The following CELF5 variants were observed in gnomAD, a reference collection of about 807,000 sequenced individuals.
CELF5 encodes CUG-BP and ETR-3 like factor 5.
A neutral mutation model predicts 54.9 loss-of-function variants in CELF5; 6 were observed. The ratio of observed to expected loss-of-function variants is 0.11; its 90% CI spans 0.06 to 0.22. The LOEUF is 0.22. CELF5 is among the 10% of genes least tolerant of loss of function. The probability of loss-of-function intolerance (pLI) is 1.00; values close to 1 mark genes in which losing one functional copy is unlikely to be tolerated. For synonymous variants in CELF5, 271 were observed against 290.9 expected (o/e 0.93, Z 0.70); for missense variants, 401 against 678.6 (o/e 0.59, Z 4.54).
rs2080151676 is a variant in CELF5 at position 3,281,460 on chromosome 19, G to A, written c.750+115G>A. The A allele has an allele frequency of 2.4e-6, 3 of 1,244,062 alleles. No homozygotes were observed. The highest frequency in any genetic ancestry group is 4.7e-5 in the East Asian group (2 of 42,368). 77.1% of individuals were successfully genotyped at this position (1,244,062 alleles called of 1,614,324 possible). On this transcript the variant is annotated intron_variant, in intron 6 of 12. Coordinates refer to ENST00000292672, the MANE Select transcript of CELF5 (RefSeq NM_021938.4). The surrounding 1 kb of genome is among the most constrained non-coding windows in gnomAD (Gnocchi z 6.5). ...CTCCCTGACTCAGGGTCCTCTCCTG[G>A]CGTGGCTGAACCCCAACTCCAAATT... is the stretch of plus-strand genomic sequence containing the variant.
intron 12 of CELF5, chr19:3,296,198 C>T (rs565048540): frequency 6.6e-6 from 1 of 151,226 alleles, no homozygotes; most frequent in East Asian, 1.9e-4. Context: ...GTGAGGGTGC[C>T]TCTGTACAGC....
At chr19:3,284,155 C>T (rs1339357457) in intron 8 of CELF5, among the ~76,000 whole-genome samples, 1 of 151,892 alleles carries the variant, frequency 6.6e-6, no homozygotes, top group Non-Finnish European at 1.5e-5. Flanking sequence ...GCTGATTTCA[C>T]GAGTTTTTGT....
intron 12 of CELF5, chr19:3,296,434 G>GAAAAAAAAAAAAAAATAAAAAAA (rs2080450653): frequency 1.8e-5 from 1 of 54,862 alleles, no homozygotes; most frequent in African/African-American, 7.1e-5. Flanking sequence ...AAACCACACA[G>GAAAAAAAAAAAAAAATAAAAAAA]AAAAAAAAAA....
Position 3,234,684 on chromosome 19 carries a change from CA to C in CELF5, c.259+9690del, listed in dbSNP as rs375479837. Among the ~76,000 whole-genome samples, 336 of 152,170 alleles carry C rather than the reference CA, an allele frequency of 2.2e-3. 1 individual carries two copies. The highest frequency in any genetic ancestry group is 6.7e-3 in the African/African-American group (279 of 41,530). ...GGATGAGGCCTGAAGGTACCTAGGA[CA>C]AAACCTGGGAATGCCCTTGACTTCC... is the stretch of plus-strand genomic sequence containing the variant. On this transcript the variant is annotated intron_variant, in intron 1 of 12. Transcript: ENST00000292672.
chr19:3,257,637 G>T (rs994316556), intron 2 of CELF5, among the ~76,000 whole-genome samples: 1 of 150,684 alleles, frequency 6.6e-6, no homozygotes. Context: ...CACCATGCCC[G>T]GCTAATTTTT....
At chr19:3,293,721 G>A in intron 12 of CELF5, 1 of 422,308 alleles carries the variant, frequency 2.4e-6, no homozygotes, top group Non-Finnish European at 4.3e-6. Flanking sequence ...GTGAGCCAGG[G>A]CCCAGTGAGG....
intron 12 of CELF5, chr19:3,296,104 G>C (rs933066469): frequency 1.3e-5 from 2 of 148,616 alleles, no homozygotes; most frequent in African/African-American, 5.0e-5. Flanking sequence ...AAGAAGAAAA[G>C]AGAAGAAAAA....
chr19:3,235,840 G>A (rs1210893457), intron 1 of CELF5, among the ~76,000 whole-genome samples: 1 of 148,860 alleles, frequency 6.7e-6, no homozygotes, highest in Non-Finnish European at 1.5e-5. Flanking sequence ...ATGGATGGAT[G>A]AATGAATGGA....
rs1466889906 is a variant in CELF5 at position 3,228,258 on chromosome 19, A to G, written c.259+3260A>G. ...GATGCAGGCCCACAGGAAGACCACA[A>G]GCCTGCTCCTGCCAGAACTCCGCAT... On this transcript the variant is annotated intron_variant, in intron 1 of 12. Coordinates refer to ENST00000292672, the MANE Select transcript of CELF5 (RefSeq NM_021938.4). This position sits in a 1 kb window ranked among gnomAD's most constrained non-coding sequence, Gnocchi z 6.0. Among the ~76,000 whole-genome samples the G allele has an allele frequency of 6.6e-6, 1 of 152,052 alleles. No individual in the cohort carries two copies. Among genetic ancestry groups the G allele is most frequent in the Non-Finnish European group, 1.5e-5 (1 of 67,978 alleles).
chr19:3,280,436 G>C (rs866999446), intron 5 of CELF5, among the ~76,000 whole-genome samples: 1 of 151,990 alleles, frequency 6.6e-6, no homozygotes, highest in Non-Finnish European at 1.5e-5. Flanking sequence ...TTAGCTGGGC[G>C]TGATGGCGGG....
chr19:3,227,297 G>T (rs1204358032), intron 1 of CELF5, among the ~76,000 whole-genome samples: 1 of 152,180 alleles, frequency 6.6e-6, no homozygotes, highest in East Asian at 1.9e-4. Flanking sequence ...CCCTCTCTGG[G>T]CCCTCTCTGG....
chr19:3,286,060 C>G (rs1461784130), intron 10 of CELF5, 35 bp downstream of exon 10: 1 of 1,503,912 alleles, frequency 6.6e-7, no homozygotes, highest in South Asian at 1.3e-5. Flanking sequence ...GGCGCCAGCC[C>G]CGCCCTCTGC....
rs374937058 is a variant in CELF5 at position 3,281,067 on chromosome 19, C to T, written c.604-132C>T. On this transcript the variant is annotated intron_variant, in intron 5 of 12. Coordinates refer to ENST00000292672, the MANE Select transcript of CELF5 (RefSeq NM_021938.4). The surrounding 1 kb of genome is among the most constrained non-coding windows in gnomAD (Gnocchi z 6.5). The stretch of plus-strand genomic sequence containing the variant: ...GGCCCTGGCTCCTGGGGTGGGGGCC[C>T]GTGGACATGGCTGACAGCCACTGGC... The T allele has an allele frequency of 4.6e-6, 5 of 1,096,220 alleles. No homozygotes were observed. The highest frequency in any genetic ancestry group is 3.1e-5 in the African/African-American group (2 of 64,540). The allele number at this position is 1,096,220 out of a possible 1,614,324, so 67.9% of individuals were successfully genotyped here.
intron 10 of CELF5, among the ~76,000 whole-genome samples, chr19:3,287,823 C>T (rs1019109122): frequency 4.6e-5 from 7 of 151,240 alleles, no homozygotes; most frequent in African/African-American, 1.5e-4. Flanking sequence ...AAGATGGGAA[C>T]GTAGTAGAAA....
intron 2 of CELF5, among the ~76,000 whole-genome samples, chr19:3,263,821 C>G (rs2079842718): frequency 6.6e-6 from 1 of 151,886 alleles, no homozygotes; most frequent in Non-Finnish European, 1.5e-5. Flanking sequence ...AGGAGAATCG[C>G]TTGAAACTGG....
chr19:3,263,350 A>C (rs975002771), intron 2 of CELF5, among the ~76,000 whole-genome samples: 2 of 151,268 alleles, frequency 1.3e-5, no homozygotes, highest in African/African-American at 4.9e-5. Context: ...ACCTAAGGTC[A>C]GGAGATCGAG....
In CELF5 at chr19:3,285,956, G is replaced by A. The variant is rs1377941048; in HGVS notation, c.1117G>A (p.Ala373Thr). The A allele has an allele frequency of 1.3e-6, 2 of 1,581,988 alleles. No individual in the cohort carries two copies. Among genetic ancestry groups the A allele is most frequent in the South Asian group, 1.1e-5 (1 of 88,462 alleles). ...GGTCTCCGCAGCCATGTACCCCACC[G>A]CGGCCATCACGCCCATCGCGCACAG... The part of the protein sequence containing the change: ...VQQYTAMYPT[A>T]AITPIAHSVP... The change falls in exon 10 of 13, where the codon GCG becomes ACG. Residue 373 changes from alanine to threonine, a missense_variant. By Grantham distance (58) the Ala-to-Thr change is moderately conservative. Transcript: ENST00000292672.
chr19:3,229,332 C>T (rs1384975127), intron 1 of CELF5, among the ~76,000 whole-genome samples: 1 of 152,144 alleles, frequency 6.6e-6, no homozygotes, highest in Non-Finnish European at 1.5e-5. Flanking sequence ...GCCATCCCTA[C>T]CCCCCATCCA....
chr19:3,276,491 G>A (rs1017192085), intron 4 of CELF5, among the ~76,000 whole-genome samples: 42 of 151,130 alleles, frequency 2.8e-4, no homozygotes, highest in African/African-American at 1.0e-3. Context: ...GAGAGGCCCT[G>A]GGAAGGGTCG....
Sources: allele counts gnomAD v4.1 joint callset (sites outside exome capture counted in the v4.1 genomes callset), GRCh38; gene constraint gnomAD v4.1.1; non-coding constraint Gnocchi (gnomAD v3.1); transcripts MANE v1.5; gene names NCBI Gene and HGNC (gene_info 2026-07-23, HGNC 2026-07-21).